Variants in NAALADL2 observed in about 807,000 individuals in gnomAD.
The protein encoded by NAALADL2 is N-acetylated alpha-linked acidic dipeptidase like 2.
A neutral mutation model predicts 87.2 loss-of-function variants in NAALADL2; 76 were observed. The ratio of observed to expected loss-of-function variants is 0.87; its 90% CI spans 0.72 to 1.05. The LOEUF is 1.05. Ranked by LOEUF, NAALADL2 falls within the 50% of genes least tolerant of loss-of-function variation. The probability of loss-of-function intolerance (pLI) is 0.00; values close to 1 mark genes in which losing one functional copy is unlikely to be tolerated. For missense variants in NAALADL2, 1,089 were observed against 945.8 expected, an observed-to-expected ratio of 1.15 and a Z score of -1.99; for synonymous variants, 354 against 331.0, an observed-to-expected ratio of 1.07 and a Z score of -0.75.
At chr3:174,961,107 CATA>C (rs1331343868) in intron 1 of NAALADL2, among the ~76,000 whole-genome samples, 1 of 147,232 alleles carries the variant, frequency 6.8e-6, no homozygotes. Flanking sequence ...TAATATATAA[CATA>C]ATGATATATA....
chr3:174,747,621 C>CAAAAA (rs150843588), intron 3 of NAALADL2, among the ~76,000 whole-genome samples: 356 of 37,170 alleles, frequency 9.6e-3, no homozygotes, highest in Non-Finnish European at 0.011. Flanking sequence ...GACCCCATCT[C>CAAAAA]AAAAAAAAAA....
chr3:175,441,817 C>T (rs1719817569), intron 5 of NAALADL2, among the ~76,000 whole-genome samples: 2 of 152,156 alleles, frequency 1.3e-5, no homozygotes, highest in African/African-American at 4.8e-5. Context: ...TTAACCAGCA[C>T]ATTTTTATCT....
rs529644718 is a variant in NAALADL2 at position 175,325,935 on chromosome 3, C to T, written c.1090+1610C>T. Among the ~76,000 whole-genome samples, 328 of 152,296 alleles carry T rather than the reference C, an allele frequency of 2.2e-3. 3 individuals are homozygous for T. Among genetic ancestry groups the T allele is most frequent in the South Asian group, 6.4e-3 (31 of 4,824 alleles). On this transcript the variant is annotated intron_variant, in intron 5 of 13. Transcript: ENST00000454872. The stretch of plus-strand genomic sequence containing the variant: ...CAAATAGTGGCACCCTTTCTTTCTT[C>T]TCCTAGAAATAATTTTTCATTTTTT...
intron 1 of NAALADL2, among the ~76,000 whole-genome samples, chr3:175,026,415 G>A (rs568404997): frequency 2.0e-5 from 3 of 151,060 alleles, no homozygotes; most frequent in Admixed American, 2.0e-4. Context: ...GGGAGGCTGA[G>A]GCAGGCGGAT....
At chr3:174,764,049 G>A (rs1713447966) in intron 3 of NAALADL2, among the ~76,000 whole-genome samples, 2 of 152,172 alleles carry the variant, frequency 1.3e-5, no homozygotes, top group Non-Finnish European at 2.9e-5. Context: ...TTGTGATTCA[G>A]AGAGATTGAA....
At position 175,806,541 on chromosome 3, in the gene NAALADL2, AG is replaced by A. The variant is rs1281236283; in HGVS notation, c.*3339del. 2 of 151,910 alleles carry A rather than the reference AG, an allele frequency of 1.3e-5. No homozygotes were observed. Among genetic ancestry groups the A allele is most frequent in the Non-Finnish European group, 2.9e-5 (2 of 67,886 alleles). 9.4% of individuals were successfully genotyped at this position (151,910 alleles called of 1,614,324 possible). Reference sequence around the variant, plus strand: ...AATAAATTGAAGAGTCATAATAACAAGAAAGACGTAAAGATTTGTTATTAAT... The same window carrying A: ...AATAAATTGAAGAGTCATAATAACAAAAAGACGTAAAGATTTGTTATTAAT... On this transcript the variant is annotated 3_prime_UTR_variant, in exon 14 of 14. Transcript: ENST00000454872.
chr3:175,563,656 GA>G (rs573616078), intron 9 of NAALADL2, among the ~76,000 whole-genome samples: 72 of 152,274 alleles, frequency 4.7e-4, no homozygotes, highest in African/African-American at 1.3e-3. Context: ...GCAATAGAAA[GA>G]GAGACAAAAG....
At chr3:175,151,622 G>GAAAC (rs545632032) in intron 2 of NAALADL2, among the ~76,000 whole-genome samples, 6 of 151,956 alleles carry the variant, frequency 3.9e-5, no homozygotes, top group African/African-American at 9.7e-5. Flanking sequence ...ATAGCAAAAT[G>GAAAC]AAACAAACAA....
chr3:175,376,422 C>CT (rs1767134702), intron 5 of NAALADL2, among the ~76,000 whole-genome samples: 1 of 151,776 alleles, frequency 6.6e-6, no homozygotes, highest in African/African-American at 2.4e-5. Context: ...CTTATTTTTT[C>CT]TTTCATTGCT....
intron 11 of NAALADL2, among the ~76,000 whole-genome samples, chr3:175,678,356 G>A (rs1693008311): frequency 6.6e-6 from 1 of 152,130 alleles, no homozygotes; most frequent in South Asian, 2.1e-4. Context: ...TTGACAATGA[G>A]AAACACAACA....
chr3:175,123,810 G>A (rs994802145), intron 2 of NAALADL2, among the ~76,000 whole-genome samples: 1 of 151,912 alleles, frequency 6.6e-6, no homozygotes, highest in Non-Finnish European at 1.5e-5. Context: ...TGCTCTGACA[G>A]TATATTAGCA....
chr3:175,233,417 T>C lies in NAALADL2; in HGVS notation c.546-514T>C, dbSNP rs561709383. On this transcript the variant is annotated intron_variant, in intron 2 of 13. Transcript: ENST00000454872. ...CTGCAATGCCATAGTGCTGTATTAG[T>C]GGGTTTTTTTGTTTTGTTTTGTTTT... 2.6e-5 allele frequency among the ~76,000 whole-genome samples: 4 copies of C among 152,154 alleles called. No individual in the cohort carries two copies. In the South Asian group the frequency reaches 8.3e-4, roughly 32 times the overall value.
chr3:174,692,464 A>G (rs1728665322), intron 2 of NAALADL2, among the ~76,000 whole-genome samples: 2 of 152,202 alleles, frequency 1.3e-5, no homozygotes, highest in Admixed American at 6.5e-5. Flanking sequence ...TACAAACTTA[A>G]AACAATTTCC....
At chr3:175,338,456 T>C (rs1762219176) in intron 5 of NAALADL2, among the ~76,000 whole-genome samples, 1 of 151,304 alleles carries the variant, frequency 6.6e-6, no homozygotes, top group Non-Finnish European at 1.5e-5. Context: ...GGGGACAACT[T>C]TGCCATTGGT....
rs79109591 is a variant in NAALADL2 at position 175,336,331 on chromosome 3, C to T, written c.1090+12006C>T. Among the ~76,000 whole-genome samples the T allele has an allele frequency of 5.0e-3, 767 of 152,210 alleles. 4 individuals carry two copies. The highest frequency in any genetic ancestry group is 8.2e-3 in the Admixed American group (126 of 15,294). Reference sequence around the variant, plus strand: ...AAGCACTACAGTCTGTAAAATCTCCCAAATGTATCTAACCACGGAGTCATT... The same window carrying T: ...AAGCACTACAGTCTGTAAAATCTCCTAAATGTATCTAACCACGGAGTCATT... On this transcript the variant is annotated intron_variant, in intron 5 of 13. Coordinates refer to ENST00000454872, the MANE Select transcript of NAALADL2 (RefSeq NM_207015.3).
chr3:174,608,471 T>C (rs978338935), intron 2 of NAALADL2, among the ~76,000 whole-genome samples: 3 of 151,072 alleles, frequency 2.0e-5, no homozygotes, highest in African/African-American at 7.3e-5. Context: ...TAAAAAATGA[T>C]AAAGGGGATA....
intron 4 of NAALADL2, among the ~76,000 whole-genome samples, chr3:175,309,232 C>A (rs904714260): frequency 2.7e-4 from 41 of 151,880 alleles, no homozygotes; most frequent in African/African-American, 7.7e-4. Context: ...GTCATCCAGG[C>A]CGGTGTGGAA....
rs141995190 is a variant in NAALADL2, at chr3:174,949,280, G to C, written c.43+89830G>C. 5.0e-3 allele frequency among the ~76,000 whole-genome samples: 763 copies of C among 152,214 alleles called. 2 individuals are homozygous for C. The highest frequency in any genetic ancestry group is 8.7e-3 in the Non-Finnish European group (593 of 67,998). ...CTCACAACACCCAGTAGGGTTTCAG[G>C]TGCAAGTGTCCCCAGAAAGCCAATT... On this transcript the variant is annotated intron_variant, in intron 1 of 13. Coordinates refer to ENST00000454872, the MANE Select transcript of NAALADL2 (RefSeq NM_207015.3).
intron 6 of NAALADL2, among the ~76,000 whole-genome samples, chr3:175,450,536 T>C (rs1721408733): frequency 6.6e-6 from 1 of 152,168 alleles, no homozygotes; most frequent in Non-Finnish European, 1.5e-5. Flanking sequence ...ATAGAATTTT[T>C]CTACTACCAA....
Sources: allele counts gnomAD v4.1 joint callset (sites outside exome capture counted in the v4.1 genomes callset), GRCh38; gene constraint gnomAD v4.1.1; transcripts MANE v1.5; gene names NCBI Gene and HGNC (gene_info 2026-07-23, HGNC 2026-07-21).